ELOVL6: variants seen among roughly 807,000 people sequenced by gnomAD.
The protein encoded by ELOVL6 is very long chain fatty acid elongase 6.
A neutral mutation model predicts 31.7 loss-of-function variants in ELOVL6; 8 were observed. The ratio of observed to expected loss-of-function variants is 0.25; its 90% CI spans 0.15 to 0.45. ELOVL6 has a LOEUF of 0.45. Ranked by LOEUF, ELOVL6 falls within the 20% of genes least tolerant of loss-of-function variation. The pLI is 1.00. For missense variants in ELOVL6, 126 were observed against 326.4 expected (o/e 0.39, Z 4.73); for synonymous variants, 101 against 117.7 (o/e 0.86, Z 0.92).
intron 1 of ELOVL6, among the ~76,000 whole-genome samples, chr4:110,197,395 TG>T: frequency 6.6e-6 from 1 of 152,076 alleles, no homozygotes; most frequent in African/African-American, 2.4e-5. Context: ...ACAAGAAAGG[TG>T]TTTTCCCTGA....
rs144996429 is a variant in ELOVL6, at chr4:110,196,255, A to T, written c.89+1992T>A. ...AGGTTAAACCAGGACGCAGCAAGTCAGAGATTCGGCACAGAAGCAAATGCT... is the reference window on the plus strand; with the variant it reads ...AGGTTAAACCAGGACGCAGCAAGTCTGAGATTCGGCACAGAAGCAAATGCT... On this transcript the variant is annotated intron_variant, in intron 1 of 3. Transcript: ENST00000302274. Among the ~76,000 whole-genome samples, 624 of 152,288 alleles carry T rather than the reference A, an allele frequency of 4.1e-3. 8 individuals carry two copies. Among genetic ancestry groups the T allele is most frequent in the African/African-American group, 0.014 (581 of 41,554 alleles).
intron 2 of ELOVL6, among the ~76,000 whole-genome samples, chr4:110,090,605 T>TTGTTTTTTTTTTTTTTG (rs1462141213): frequency 1.4e-5 from 2 of 139,488 alleles, no homozygotes; most frequent in Non-Finnish European, 3.1e-5. Flanking sequence ...ACTTTCTTTT[T>TTGTTTTTTTTTTTTTTG]TTTTTTTTTT....
At chr4:110,071,077 C>T (rs186039339) in intron 2 of ELOVL6, among the ~76,000 whole-genome samples, 1 of 152,260 alleles carries the variant, frequency 6.6e-6, no homozygotes, top group Non-Finnish European at 1.5e-5. Context: ...CAGTATTCCA[C>T]ATCCTTAAAA....
chr4:110,115,150 T>C (rs1326967682), intron 1 of ELOVL6, among the ~76,000 whole-genome samples: 1 of 152,084 alleles, frequency 6.6e-6, no homozygotes, highest in Non-Finnish European at 1.5e-5. Context: ...TCACTAATGA[T>C]TCCCTCAATA....
Position 110,186,122 on chromosome 4 carries a change from G to A in ELOVL6, c.89+12125C>T, listed in dbSNP as rs149688752. 7.6e-4 allele frequency among the ~76,000 whole-genome samples: 116 copies of A among 152,194 alleles called. 1 individual carries two copies. The highest frequency in any genetic ancestry group is 2.6e-3 in the African/African-American group (109 of 41,542). On this transcript the variant is annotated intron_variant, in intron 1 of 3. Coordinates refer to ENST00000302274, the MANE Select transcript of ELOVL6 (RefSeq NM_024090.3). ...GAAGAATCGCTTGAACCCGGGAAGC[G>A]GAGGTTGCAGTGGGCCAAAATTGCA...
chr4:110,066,981 T>C lies in ELOVL6; in HGVS notation c.222-7227A>G, dbSNP rs78655407. Among the ~76,000 whole-genome samples the C allele has an allele frequency of 1.1e-3, 172 of 151,854 alleles. 1 individual carries two copies. The East Asian group carries it at 0.019, about 16-fold the overall frequency. ...CCCTCCCTGCGTCCATGTGTTCTCATTGAGAACAGGCATCTTTAATAGACA... is the reference window on the plus strand; with the variant it reads ...CCCTCCCTGCGTCCATGTGTTCTCACTGAGAACAGGCATCTTTAATAGACA... On this transcript the variant is annotated intron_variant, in intron 2 of 3. Coordinates refer to ENST00000302274, the MANE Select transcript of ELOVL6 (RefSeq NM_024090.3).
At chr4:110,140,412 T>C (rs1359489822) in intron 1 of ELOVL6, among the ~76,000 whole-genome samples, 1 of 152,058 alleles carries the variant, frequency 6.6e-6, no homozygotes, top group Non-Finnish European at 1.5e-5. Context: ...TTAATTAAAT[T>C]GTATTTTTGT....
intron 2 of ELOVL6, among the ~76,000 whole-genome samples, chr4:110,080,019 C>G (rs997569104): frequency 2.6e-5 from 4 of 152,174 alleles, no homozygotes; most frequent in African/African-American, 9.7e-5. Flanking sequence ...TCGACACATA[C>G]ACCCTCCCAA....
intron 1 of ELOVL6, among the ~76,000 whole-genome samples, chr4:110,121,607 G>A (rs1757359256): frequency 6.6e-6 from 1 of 152,142 alleles, no homozygotes; most frequent in Non-Finnish European, 1.5e-5. Context: ...GCTGAGGCAG[G>A]AGAATGGCGT....
intron 1 of ELOVL6, among the ~76,000 whole-genome samples, chr4:110,120,081 G>T (rs1373369459): frequency 2.0e-5 from 3 of 152,184 alleles, no homozygotes; most frequent in Admixed American, 2.0e-4. Flanking sequence ...AAGTCAGAAG[G>T]TTAATGTGTC....
At chr4:110,104,355 C>T (rs1756828808) in intron 2 of ELOVL6, among the ~76,000 whole-genome samples, 1 of 152,136 alleles carries the variant, frequency 6.6e-6, no homozygotes, top group Non-Finnish European at 1.5e-5. Context: ...AGATCCAAAT[C>T]ATGAGTACTT....
intron 1 of ELOVL6, among the ~76,000 whole-genome samples, chr4:110,162,745 G>A (rs575596694): frequency 6.6e-6 from 1 of 152,180 alleles, no homozygotes; most frequent in African/African-American, 2.4e-5. Context: ...GCTGAAGTAC[G>A]CCAAATTTTA....
chr4:110,177,924 A>G (rs1205594060), intron 1 of ELOVL6, among the ~76,000 whole-genome samples: 5 of 152,162 alleles, frequency 3.3e-5, no homozygotes, highest in African/African-American at 1.2e-4. Context: ...AATAATCTGA[A>G]ACTTATTGCA....
chr4:110,083,977 A>C, intron 2 of ELOVL6, among the ~76,000 whole-genome samples: 1 of 109,202 alleles, frequency 9.2e-6, no homozygotes. Context: ...GATATAACAT[A>C]TGCCATATAC....
chr4:110,186,927 TCAATTGAATAAAAC>T (rs1759467110), intron 1 of ELOVL6, among the ~76,000 whole-genome samples: 1 of 144,984 alleles, frequency 6.9e-6, no homozygotes, highest in South Asian at 2.1e-4. Context: ...AAAAAAACTA[TCAATTGAATAAAAC>T]CGTGGATGTC....
intron 1 of ELOVL6, among the ~76,000 whole-genome samples, chr4:110,128,013 G>A (rs1211692232): frequency 6.6e-6 from 1 of 151,266 alleles, no homozygotes; most frequent in Non-Finnish European, 1.5e-5. Flanking sequence ...TTCAAGACTG[G>A]CCTGGGCTAC....
intron 1 of ELOVL6, among the ~76,000 whole-genome samples, chr4:110,196,423 C>G: frequency 6.6e-6 from 1 of 152,302 alleles, no homozygotes; most frequent in African/African-American, 2.4e-5. Flanking sequence ...CTCCGGCCAC[C>G]GCCCCCTCCC....
chr4:110,176,831 G>A (rs149778202), intron 1 of ELOVL6, among the ~76,000 whole-genome samples: 6,616 of 152,262 alleles, frequency 0.043, 200 homozygotes, highest in South Asian at 0.12. Context: ...TGTCTCCCAG[G>A]TTCAAGCGAT....
intron 2 of ELOVL6, among the ~76,000 whole-genome samples, chr4:110,099,585 A>G (rs7669237): frequency 0.31 from 46,883 of 151,966 alleles, 8,287 homozygotes; most frequent in East Asian, 0.7. Context: ...TGCACCTATA[A>G]ATTTTTAACA....
Sources: allele counts gnomAD v4.1 joint callset (sites outside exome capture counted in the v4.1 genomes callset), GRCh38; gene constraint gnomAD v4.1.1; transcripts MANE v1.5; gene names NCBI Gene and HGNC (gene_info 2026-07-23, HGNC 2026-07-21).